NELL2: variants seen among roughly 807,000 people sequenced by gnomAD.
NELL2 encodes the protein neural EGFL like 2.
NELL2 carries 41 observed loss-of-function variants against 109.6 expected under a neutral mutation model. The observed-to-expected ratio is 0.37, with a 90% CI of 0.29 to 0.49. The LOEUF (loss-of-function observed/expected upper bound fraction) is 0.49. Among genes scored for constraint, NELL2 ranks in the 20% least tolerant of loss-of-function variants. The probability of loss-of-function intolerance (pLI) is 0.98; values close to 1 mark genes in which losing one functional copy is unlikely to be tolerated. For synonymous variants in NELL2, 355 were observed against 344.7 expected, an observed-to-expected ratio of 1.03 and a Z score of -0.33; for missense variants, 900 against 1,008.3, an observed-to-expected ratio of 0.89 and a Z score of 1.45.
At chr12:44,754,283 T>G (rs999994079) in intron 9 of NELL2, among the ~76,000 whole-genome samples, 8 of 152,166 alleles carry the variant, frequency 5.3e-5, no homozygotes, top group Non-Finnish European at 2.9e-5. Flanking sequence ...GCAAAAGAAT[T>G]ACAATGATGT....
At chr12:44,747,338 T>C (rs944019813) in intron 9 of NELL2, among the ~76,000 whole-genome samples, 2 of 152,038 alleles carry the variant, frequency 1.3e-5, no homozygotes, top group Admixed American at 1.3e-4. Flanking sequence ...TTAGGAGATA[T>C]ACCTAATGTT....
chr12:44,787,498 A>G (rs186507869), intron 3 of NELL2, among the ~76,000 whole-genome samples: 2 of 152,224 alleles, frequency 1.3e-5, no homozygotes, highest in Non-Finnish European at 2.9e-5. Flanking sequence ...AAATCAGAAT[A>G]GCTGAAATAG....
chr12:44,848,547 C>T (rs770853252), intron 2 of NELL2, among the ~76,000 whole-genome samples: 1 of 152,098 alleles, frequency 6.6e-6, no homozygotes, highest in Non-Finnish European at 1.5e-5. Context: ...TTCTTCCCCA[C>T]CCCCATCCCA....
chr12:44,626,243 TG>T (rs1241003064), intron 13 of NELL2, among the ~76,000 whole-genome samples: 57 of 152,308 alleles, frequency 3.7e-4, no homozygotes, highest in African/African-American at 1.3e-3. Context: ...ATAAAGTCTT[TG>T]CCATGGCCAC....
intron 15 of NELL2, among the ~76,000 whole-genome samples, chr12:44,585,173 T>G (rs1434037927): frequency 6.6e-6 from 1 of 152,230 alleles, no homozygotes; most frequent in Non-Finnish European, 1.5e-5. Context: ...TTCATACAAT[T>G]TAACTTTGCA....
At chr12:44,547,273 G>C (rs917680609) in intron 15 of NELL2, among the ~76,000 whole-genome samples, 1 of 152,162 alleles carries the variant, frequency 6.6e-6, no homozygotes, top group African/African-American at 2.4e-5. Flanking sequence ...TCAGCATTAA[G>C]CTGCTAGAGC....
chr12:44,785,781 G>T (rs983653851), intron 3 of NELL2, among the ~76,000 whole-genome samples: 1 of 152,066 alleles, frequency 6.6e-6, no homozygotes, highest in African/African-American at 2.4e-5. Flanking sequence ...AATAGGGAAA[G>T]GATTCCCTAT....
At chr12:44,742,249 C>G (rs988475035) in intron 9 of NELL2, among the ~76,000 whole-genome samples, 1 of 152,178 alleles carries the variant, frequency 6.6e-6, no homozygotes, top group African/African-American at 2.4e-5. Flanking sequence ...AGCTGAGGGT[C>G]CTCTCTGTTG....
At chr12:44,563,575 T>C (rs1290292673) in intron 15 of NELL2, among the ~76,000 whole-genome samples, 1 of 152,200 alleles carries the variant, frequency 6.6e-6, no homozygotes, top group Non-Finnish European at 1.5e-5. Flanking sequence ...TAGATCATCA[T>C]ATATGCCAGG....
At chr12:44,555,050 A>G (rs1215616106) in intron 15 of NELL2, among the ~76,000 whole-genome samples, 1 of 152,234 alleles carries the variant, frequency 6.6e-6, no homozygotes, top group East Asian at 1.9e-4. Flanking sequence ...TGAACTCAGC[A>G]TGTCAGTCAT....
chr12:44,865,669 C>G (rs1286907502), intron 2 of NELL2, among the ~76,000 whole-genome samples: 1 of 68,824 alleles, frequency 1.5e-5, no homozygotes, highest in African/African-American at 6.0e-5. Flanking sequence ...GTGGTGGGGT[C>G]GGGGGAGGGG....
intron 15 of NELL2, among the ~76,000 whole-genome samples, chr12:44,546,785 T>C (rs1020099907): frequency 6.6e-6 from 1 of 152,216 alleles, no homozygotes; most frequent in Non-Finnish European, 1.5e-5. Flanking sequence ...GAAAAGGTTT[T>C]CACTCCTGAG....
At chr12:44,602,401 TAGAA>T (rs1945253181) in intron 15 of NELL2, among the ~76,000 whole-genome samples, 1 of 152,186 alleles carries the variant, frequency 6.6e-6, no homozygotes, top group Admixed American at 6.5e-5. Context: ...AGTAAAGAAC[TAGAA>T]GCAAAGCTTC....
At chr12:44,824,220 T>C (rs1943631601) in intron 2 of NELL2, among the ~76,000 whole-genome samples, 1 of 152,240 alleles carries the variant, frequency 6.6e-6, no homozygotes, top group Non-Finnish European at 1.5e-5. Flanking sequence ...TGTACATTGT[T>C]TCTCCACTCT....
chr12:44,677,562 T>A (rs1363272098), intron 12 of NELL2, among the ~76,000 whole-genome samples: 1 of 152,124 alleles, frequency 6.6e-6, no homozygotes, highest in Non-Finnish European at 1.5e-5. Context: ...TGAGATGTTA[T>A]TATTGCTAAA....
chr12:44,531,152 G>A (rs529410432), intron 16 of NELL2, among the ~76,000 whole-genome samples: 24 of 152,278 alleles, frequency 1.6e-4, no homozygotes, highest in African/African-American at 5.5e-4. Context: ...GTAACCCCTA[G>A]AGGATGAGTG....
intron 16 of NELL2, among the ~76,000 whole-genome samples, chr12:44,525,605 A>G (rs1941730929): frequency 6.6e-6 from 1 of 152,222 alleles, no homozygotes; most frequent in African/African-American, 2.4e-5. Context: ...CAAATTAAAT[A>G]TCTATACAAG....
intron 12 of NELL2, among the ~76,000 whole-genome samples, chr12:44,683,645 G>C (rs1229215699): frequency 1.3e-5 from 2 of 151,990 alleles, no homozygotes; most frequent in Non-Finnish European, 2.9e-5. Flanking sequence ...GCTGAATTTT[G>C]TCAAAGGCCT....
At chr12:44,524,424 C>G (rs1322602065) in intron 16 of NELL2, among the ~76,000 whole-genome samples, 6 of 152,026 alleles carry the variant, frequency 3.9e-5, no homozygotes, top group Non-Finnish European at 8.8e-5. Context: ...GAGTAAAGGT[C>G]AAGAAAGAAA....
Sources: gnomAD v4.1 joint callset for allele counts (sites outside exome capture counted in the v4.1 genomes callset) on GRCh38, gnomAD v4.1.1 for gene constraint, MANE v1.5 for transcripts, NCBI Gene and HGNC (gene_info 2026-07-23, HGNC 2026-07-21) for gene names.